Variants in FBXO16 observed in about 807,000 individuals in gnomAD.
The protein encoded by FBXO16 is F-box protein 16, also known as F-box only protein 16.
A neutral mutation model predicts 41.0 loss-of-function variants in FBXO16; 31 were observed. That is an observed-to-expected ratio of 0.76 (90% confidence interval 0.57 to 1.02). The LOEUF (loss-of-function observed/expected upper bound fraction) is 1.02, where lower values mean the gene tolerates loss of function less well. FBXO16 is among the 50% of genes least tolerant of loss of function. The probability of loss-of-function intolerance (pLI) is 0.00; values close to 1 mark genes in which losing one functional copy is unlikely to be tolerated. For synonymous variants in FBXO16, 133 were observed against 117.8 expected (o/e 1.13, Z -0.84); for missense variants, 361 against 346.2 (o/e 1.04, Z -0.34).
At chr8:28,460,223 GTGTA>G (rs1320136699) in intron 4 of FBXO16, among the ~76,000 whole-genome samples, 25 of 89,770 alleles carry the variant, frequency 2.8e-4, no homozygotes, top group African/African-American at 1.3e-3. Flanking sequence ...ATATATGTGT[GTGTA>G]TATATATATA....
chr8:28,461,546 G>C (rs1037761020), intron 4 of FBXO16, among the ~76,000 whole-genome samples: 1 of 144,566 alleles, frequency 6.9e-6, no homozygotes, highest in Non-Finnish European at 1.5e-5. Context: ...TTTTCTGCTG[G>C]GTTGTTGGTC....
chr8:28,488,742 G>A (rs185725481), intron 1 of FBXO16, among the ~76,000 whole-genome samples: 99 of 152,264 alleles, frequency 6.5e-4, no homozygotes, highest in Non-Finnish European at 1.1e-3. Context: ...AAGACCAGTT[G>A]ATCATGTCAC....
At chr8:28,473,746 C>CA in intron 3 of FBXO16, 26 bp downstream of exon 3, 1 of 1,580,944 alleles carries the variant, frequency 6.3e-7, no homozygotes, top group Non-Finnish European at 8.7e-7. Context: ...TAACATAATG[C>CA]AAAAATAGTA....
At chr8:28,487,584 C>T (rs529258193) in intron 1 of FBXO16, among the ~76,000 whole-genome samples, 1 of 151,580 alleles carries the variant, frequency 6.6e-6, no homozygotes, top group African/African-American at 2.4e-5. Context: ...AGTAGAGATG[C>T]GGTTTTCCCC....
intron 5 of FBXO16, among the ~76,000 whole-genome samples, chr8:28,453,414 T>C (rs937515239): frequency 4.0e-5 from 6 of 151,732 alleles, no homozygotes; most frequent in African/African-American, 1.2e-4. Context: ...TGCAGAGAGG[T>C]AGACTAGAAA....
At chr8:28,467,149 G>C (rs570178278) in intron 3 of FBXO16, among the ~76,000 whole-genome samples, 1 of 152,012 alleles carries the variant, frequency 6.6e-6, no homozygotes, top group Non-Finnish European at 1.5e-5. Context: ...GTCTGGTGGG[G>C]CTGAGCTACG....
At chr8:28,466,405 G>C (rs76109501) in intron 3 of FBXO16, among the ~76,000 whole-genome samples, 4 of 152,056 alleles carry the variant, frequency 2.6e-5, no homozygotes, top group African/African-American at 9.7e-5. Flanking sequence ...CTTTAACTGC[G>C]AAGACTACAG....
intron 7 of FBXO16, among the ~76,000 whole-genome samples, chr8:28,442,437 G>A (rs185191107): frequency 3.2e-3 from 488 of 152,164 alleles, no homozygotes; most frequent in African/African-American, 0.011. Flanking sequence ...AGGCTGGAGC[G>A]CAATGGTGCG....
chr8:28,452,263 T>C lies in FBXO16; in HGVS notation c.721A>G (p.Met241Val). 1 of 1,614,184 alleles carries C rather than the reference T, an allele frequency of 6.2e-7. No individual in the cohort carries two copies. Among genetic ancestry groups the C allele is most frequent in the South Asian group, 1.1e-5 (1 of 91,084 alleles). Residue 241 changes from methionine to valine, a missense_variant, in exon 6 of 9, where the codon ATG (methionine) becomes GTG (valine). Coordinates refer to ENST00000380254, the MANE Select transcript of FBXO16 (RefSeq NM_172366.4). ...RFNYLDNRDP[M>V]ETVQQGRRKR... ...TCTTACCCTTGCTGGACAGTCTCCA[T>C]GGGGTCACGGTTGTCTAGGTAATTA...
intron 3 of FBXO16, among the ~76,000 whole-genome samples, chr8:28,471,396 G>T (rs1332475631): frequency 6.6e-6 from 1 of 151,494 alleles, no homozygotes; most frequent in Admixed American, 6.6e-5. Flanking sequence ...AAAAACACTG[G>T]TATCCTTATT....
chr8:28,463,998 G>A (rs1181403369), intron 3 of FBXO16, among the ~76,000 whole-genome samples, 180 bp from the exon 4 acceptor site: 1 of 152,142 alleles, frequency 6.6e-6, no homozygotes, highest in Non-Finnish European at 1.5e-5. Flanking sequence ...ATTTATATGG[G>A]AGCATGTGCA....
In FBXO16 at chr8:28,464,020, C is replaced by T. The variant is rs956206319; in HGVS notation, c.136-202G>A. The stretch of plus-strand genomic sequence containing the variant: ...TGGGAGCATGTGCATGACCTAAGTG[C>T]GCACACAGAAGTGCATGTGACCTCA... On this transcript the variant is annotated intron_variant, in intron 3 of 8. Transcript: ENST00000380254. Among the ~76,000 whole-genome samples the T allele has an allele frequency of 3.9e-5, 6 of 152,160 alleles. No homozygotes were observed. In the East Asian group the frequency reaches 5.8e-4, roughly 15 times the overall value.
intron 7 of FBXO16, among the ~76,000 whole-genome samples, chr8:28,446,176 CTTTT>C (rs11421643): frequency 0.066 from 5,498 of 82,980 alleles, 98 homozygotes; most frequent in African/African-American, 0.14. Context: ...TGCATTTTTC[CTTTT>C]TTTTTTTTTT....
intron 4 of FBXO16, among the ~76,000 whole-genome samples, chr8:28,457,508 G>A (rs1803057250): frequency 6.6e-6 from 1 of 152,190 alleles, no homozygotes; most frequent in Admixed American, 6.5e-5. Context: ...GGTGGAAGGG[G>A]AAAGGCATGT....
chr8:28,457,114 G>A (rs1036285613), intron 4 of FBXO16, among the ~76,000 whole-genome samples, 184 bp from the exon 5 acceptor site: 1 of 152,172 alleles, frequency 6.6e-6, no homozygotes, highest in African/African-American at 2.4e-5. Flanking sequence ...CAGATTTAAA[G>A]TAAAGTAGCA....
At chr8:28,484,024 A>AG (rs1295697206) in intron 1 of FBXO16, among the ~76,000 whole-genome samples, 1 of 152,124 alleles carries the variant, frequency 6.6e-6, no homozygotes, top group African/African-American at 2.4e-5. Flanking sequence ...GATTTGGCTT[A>AG]TTGATGTTAC....
At chr8:28,482,522 C>T (rs1563371137) in intron 2 of FBXO16, among the ~76,000 whole-genome samples, 1 of 152,074 alleles carries the variant, frequency 6.6e-6, no homozygotes, top group Non-Finnish European at 1.5e-5. Flanking sequence ...ATTCCGCTAG[C>T]ACCTTCCCAG....
chr8:28,488,491 A>G (rs1014132595), intron 1 of FBXO16, among the ~76,000 whole-genome samples: 39 of 149,960 alleles, frequency 2.6e-4, no homozygotes, highest in Non-Finnish European at 3.3e-4. Flanking sequence ...TTTTGTAGAG[A>G]TAAGGTCTTG....
chr8:28,479,237 C>T (rs1316785566), intron 2 of FBXO16, among the ~76,000 whole-genome samples: 1 of 152,104 alleles, frequency 6.6e-6, no homozygotes, highest in African/African-American at 2.4e-5. Flanking sequence ...CAGTGGAGAC[C>T]TCACTGAGAC....
Sources: gnomAD v4.1 joint callset for allele counts (sites outside exome capture counted in the v4.1 genomes callset) on GRCh38, gnomAD v4.1.1 for gene constraint, MANE v1.5 for transcripts, NCBI Gene and HGNC (gene_info 2026-07-23, HGNC 2026-07-21) for gene names.